Variants in LRP1B observed in about 807,000 individuals in gnomAD.
LRP1B encodes the protein LDL receptor related protein 1B, also known as low-density lipoprotein receptor-related protein 1B.
Under a neutral mutation model 556.6 loss-of-function variants are expected in LRP1B, and 217 were observed. The ratio of observed to expected loss-of-function variants is 0.39; its 90% CI spans 0.35 to 0.44. The LOEUF (loss-of-function observed/expected upper bound fraction) is 0.44, where lower values mean the gene tolerates loss of function less well. Among genes scored for constraint, LRP1B ranks in the 20% least tolerant of loss-of-function variants. The pLI is 1.00. For missense variants in LRP1B, 5,053 were observed against 5,620.8 expected (o/e 0.90, Z 3.23); for synonymous variants, 2,047 against 1,865.8 (o/e 1.10, Z -2.50).
chr2:140,429,691 G>A (rs1229607836), intron 66 of LRP1B, among the ~76,000 whole-genome samples: 1 of 152,106 alleles, frequency 6.6e-6, no homozygotes, highest in Non-Finnish European at 1.5e-5. Context: ...AGTGCAGTCA[G>A]AATTCTTACA....
At chr2:141,031,071 G>A (rs1046289334) in intron 11 of LRP1B, among the ~76,000 whole-genome samples, 2 of 151,882 alleles carry the variant, frequency 1.3e-5, no homozygotes, top group Admixed American at 1.3e-4. Flanking sequence ...GATATGAAAT[G>A]TCTGGTAAAT....
chr2:141,822,434 A>G (rs941695720), intron 1 of LRP1B, among the ~76,000 whole-genome samples: 13 of 152,166 alleles, frequency 8.5e-5, no homozygotes, highest in African/African-American at 2.9e-4. Flanking sequence ...CGTAAATGCA[A>G]AAGAAAAAGC....
chr2:141,325,321 G>T (rs1345365693), intron 3 of LRP1B, among the ~76,000 whole-genome samples: 1 of 151,744 alleles, frequency 6.6e-6, no homozygotes, highest in Non-Finnish European at 1.5e-5. Context: ...GATAATCAAG[G>T]GCTGCAGAAA....
intron 2 of LRP1B, among the ~76,000 whole-genome samples, chr2:141,690,430 T>TATATAA (rs1558806614): frequency 1.0e-4 from 12 of 119,682 alleles, no homozygotes; most frequent in Admixed American, 4.1e-4. Flanking sequence ...TATATATATA[T>TATATAA]ATATATATAT....
chr2:141,517,265 C>CACACACACACACACACAT (rs1295363543), intron 2 of LRP1B, among the ~76,000 whole-genome samples: 1 of 150,968 alleles, frequency 6.6e-6, no homozygotes, highest in African/African-American at 2.4e-5. Context: ...AGAATACGCA[C>CACACACACACACACACAT]ACACACAGAC....
At chr2:142,115,425 AAAAAT>A (rs1351721508) in intron 1 of LRP1B, among the ~76,000 whole-genome samples, 9 of 136,288 alleles carry the variant, frequency 6.6e-5, no homozygotes, top group East Asian at 2.0e-4. Flanking sequence ...TTATATCACA[AAAAAT>A]AAAATAAAAT....
chr2:140,717,563 C>T (rs1432462111), intron 35 of LRP1B, among the ~76,000 whole-genome samples: 2 of 151,978 alleles, frequency 1.3e-5, no homozygotes, highest in Non-Finnish European at 2.9e-5. Context: ...AATATATGTG[C>T]ATGCATATGC....
At chr2:141,139,088 T>C (rs1701564700) in intron 7 of LRP1B, among the ~76,000 whole-genome samples, 1 of 151,956 alleles carries the variant, frequency 6.6e-6, no homozygotes, top group African/African-American at 2.4e-5. Context: ...GAAGGCACTA[T>C]AGTAGAGAAA....
At chr2:140,624,336 A>C (rs546079362) in intron 41 of LRP1B, among the ~76,000 whole-genome samples, 24 of 152,306 alleles carry the variant, frequency 1.6e-4, no homozygotes, top group African/African-American at 5.3e-4. Context: ...TCACAAATCA[A>C]ATATTTATCA....
At chr2:140,314,840 A>ATAT (rs1366420700) in intron 83 of LRP1B, 95 bp downstream of exon 83, 2 of 801,454 alleles carry the variant, frequency 2.5e-6, no homozygotes, top group East Asian at 5.4e-5. Context: ...GTTCATTAAG[A>ATAT]TATTAGGAAG....
intron 1 of LRP1B, among the ~76,000 whole-genome samples, chr2:141,891,218 A>T (rs1011882504): frequency 2.6e-5 from 4 of 152,104 alleles, no homozygotes; most frequent in Non-Finnish European, 4.4e-5. Flanking sequence ...GTGGAGATGC[A>T]TTGGAAAAAG....
chr2:141,799,503 C>T (rs7591783), intron 2 of LRP1B, among the ~76,000 whole-genome samples: 68,897 of 151,720 alleles, frequency 0.45, 16,493 homozygotes, highest in African/African-American at 0.6. Flanking sequence ...AGAAAATGTG[C>T]CCTTGGTCCT....
chr2:140,905,580 T>G (rs1429660607), intron 22 of LRP1B, among the ~76,000 whole-genome samples: 1 of 152,116 alleles, frequency 6.6e-6, no homozygotes, highest in Non-Finnish European at 1.5e-5. Flanking sequence ...TACTCTTACT[T>G]GCTGCCACTG....
At chr2:141,104,759 T>C (rs1347725071) in intron 7 of LRP1B, among the ~76,000 whole-genome samples, 1 of 152,078 alleles carries the variant, frequency 6.6e-6, no homozygotes, top group African/African-American at 2.4e-5. Flanking sequence ...TCCACCCTTC[T>C]GAATGAGAAT....
chr2:141,004,080 G>A (rs1697501445), intron 15 of LRP1B, among the ~76,000 whole-genome samples: 1 of 151,964 alleles, frequency 6.6e-6, no homozygotes, highest in African/African-American at 2.4e-5. Flanking sequence ...TTGATAAATT[G>A]AAGTTCTTTT....
intron 35 of LRP1B, among the ~76,000 whole-genome samples, chr2:140,725,140 T>G (rs1687547073): frequency 6.6e-6 from 1 of 152,206 alleles, no homozygotes; most frequent in Admixed American, 6.5e-5. Flanking sequence ...TCTAAAATTT[T>G]GAGAAATATA....
chr2:140,497,423 C>T (rs1288103935), intron 55 of LRP1B, among the ~76,000 whole-genome samples: 1 of 151,626 alleles, frequency 6.6e-6, no homozygotes, highest in African/African-American at 2.4e-5. Context: ...AGAAAATGGG[C>T]ATACTTAATG....
Position 140,305,341 on chromosome 2 carries a change from G to C in LRP1B, c.12806-7372C>G, listed in dbSNP as rs369341613. ...TCCTCTTTTATTTTGTTGAGCAGTG[G>C]TTTGTATTTCTCCTTGAAGAGGTTC... On this transcript the variant is annotated intron_variant, in intron 83 of 90. Transcript: ENST00000389484. Among the ~76,000 whole-genome samples, 6 of 152,200 alleles carry C rather than the reference G, an allele frequency of 3.9e-5. No individual in the cohort carries two copies. In the East Asian group the frequency reaches 1.2e-3, roughly 29 times the overall value.
At chr2:141,642,504 TA>T (rs912885441) in intron 2 of LRP1B, among the ~76,000 whole-genome samples, 48 of 151,950 alleles carry the variant, frequency 3.2e-4, no homozygotes, top group African/African-American at 6.3e-4. Context: ...ATTTTCCACA[TA>T]AAAAAATTAC....
Sources: gnomAD v4.1 joint callset for allele counts (sites outside exome capture counted in the v4.1 genomes callset) on GRCh38, gnomAD v4.1.1 for gene constraint, MANE v1.5 for transcripts, NCBI Gene and HGNC (gene_info 2026-07-23, HGNC 2026-07-21) for gene names.